REPS2: variants seen among roughly 807,000 people sequenced by gnomAD.
REPS2 encodes RALBP1 associated Eps domain containing 2.
A neutral mutation model predicts 53.6 loss-of-function variants in REPS2; 23 were observed. The observed-to-expected ratio is 0.43, with a 90% CI of 0.31 to 0.61. The LOEUF (loss-of-function observed/expected upper bound fraction) is 0.61. Among genes scored for constraint, REPS2 ranks in the 20% least tolerant of loss-of-function variants. The pLI is 0.11. For synonymous variants in REPS2, 238 were observed against 218.6 expected, an observed-to-expected ratio of 1.09 and a Z score of -0.78; for missense variants, 446 against 534.9, an observed-to-expected ratio of 0.83 and a Z score of 1.64.
the REPS2 span, among the ~76,000 whole-genome samples, chrX:17,165,022 C>T: frequency 9.3e-6 from 1 of 107,426 alleles, no homozygotes; most frequent in Admixed American, 1.0e-4. Context: ...CTTCATTTTC[C>T]TAGACATTCC....
At chrX:17,157,335 A>G (rs2063621794), downstream of REPS2, among the ~76,000 whole-genome samples, 1 of 111,167 alleles carries the variant, frequency 9.0e-6, no homozygotes, top group Admixed American at 9.6e-5. Flanking sequence ...TTATAGATCT[A>G]TTGTTCTGCT....
intron 3 of REPS2, among the ~76,000 whole-genome samples, chrX:17,024,789 A>G (rs1225295328): frequency 9.0e-6 from 1 of 111,569 alleles, no homozygotes; most frequent in Non-Finnish European, 1.9e-5. Flanking sequence ...TTCATTTTCC[A>G]AAGGAAAATA....
intron 17 of REPS2, among the ~76,000 whole-genome samples, chrX:17,146,375 G>T (rs2063515477): frequency 9.1e-6 from 1 of 110,371 alleles, no homozygotes; most frequent in Non-Finnish European, 1.9e-5. Flanking sequence ...TCTTCATATG[G>T]CTCACTCCTC....
chrX:17,024,363 G>GTTTTTTT (rs900082438), intron 3 of REPS2, among the ~76,000 whole-genome samples: 1 of 71,689 alleles, frequency 1.4e-5, no homozygotes, highest in African/African-American at 5.4e-5. Flanking sequence ...TACTAGTAAA[G>GTTTTTTT]TTTTTTTTTT....
chrX:17,001,693 C>T (rs1415404988), intron 1 of REPS2, among the ~76,000 whole-genome samples: 11 of 112,024 alleles, frequency 9.8e-5, no homozygotes, highest in Middle Eastern at 4.2e-3. Context: ...TCCATTTTCA[C>T]GCTGCTGATA....
intron 14 of REPS2, among the ~76,000 whole-genome samples, chrX:17,124,487 G>A (rs2063181669): frequency 9.0e-6 from 1 of 111,591 alleles, no homozygotes; most frequent in African/African-American, 3.3e-5. Flanking sequence ...CTCTGAGCCT[G>A]GTTGGGGAAT....
intron 5 of REPS2, among the ~76,000 whole-genome samples, chrX:17,046,200 G>A (rs1463074858): frequency 9.4e-6 from 1 of 106,329 alleles, no homozygotes; most frequent in African/African-American, 3.4e-5. Flanking sequence ...TGTTGCCCAG[G>A]CTGGAGTGCA....
chrX:17,046,770 C>A (rs946925901), intron 5 of REPS2, among the ~76,000 whole-genome samples: 1 of 111,972 alleles, frequency 8.9e-6, no homozygotes, highest in Admixed American at 9.5e-5. Flanking sequence ...TTCTCACCAC[C>A]CAGCTCTGTT....
At chrX:17,170,409 T>TA in the REPS2 span, among the ~76,000 whole-genome samples, 2 of 112,827 alleles carry the variant, frequency 1.8e-5, no homozygotes, top group African/African-American at 6.4e-5. Flanking sequence ...TATTTACGCC[T>TA]AAACTTGTTT....
intron 7 of REPS2, among the ~76,000 whole-genome samples, chrX:17,052,746 C>A (rs753643296): frequency 4.4e-5 from 5 of 112,462 alleles, no homozygotes; most frequent in African/African-American, 1.6e-4. Flanking sequence ...ATGAGACTTA[C>A]CATCCTGTAG....
At chrX:17,120,461 T>A (rs2063126915) in intron 14 of REPS2, among the ~76,000 whole-genome samples, 2 of 111,824 alleles carry the variant, frequency 1.8e-5, no homozygotes, top group African/African-American at 6.5e-5. Flanking sequence ...TTTCATAGGG[T>A]TATGATGATT....
At chrX:17,047,736 G>C in intron 6 of REPS2, among the ~76,000 whole-genome samples, 1 of 112,984 alleles carries the variant, frequency 8.9e-6, no homozygotes, top group East Asian at 2.8e-4. Flanking sequence ...CTTATCAGCT[G>C]AGGCAGTTCT....
At chrX:17,124,353 C>T (rs753574688) in intron 14 of REPS2, among the ~76,000 whole-genome samples, 1 of 112,324 alleles carries the variant, frequency 8.9e-6, no homozygotes, top group East Asian at 2.8e-4. Flanking sequence ...TCCTGCCCTC[C>T]AGGTGCTTAC....
chrX:17,130,289 C>T (rs750151957), intron 14 of REPS2, among the ~76,000 whole-genome samples: 68 of 111,664 alleles, frequency 6.1e-4, no homozygotes, highest in Non-Finnish European at 9.8e-4. Flanking sequence ...ACTTCAAACT[C>T]AATCTGCCTA....
At chrX:17,008,343 A>G (rs2147803965) in intron 2 of REPS2, among the ~76,000 whole-genome samples, 1 of 112,400 alleles carries the variant, frequency 8.9e-6, no homozygotes, top group African/African-American at 3.2e-5. Flanking sequence ...CACTTTTGTT[A>G]CTTATTTTAA....
At chrX:17,010,899 A>C (rs937551274) in intron 2 of REPS2, among the ~76,000 whole-genome samples, 3 of 111,905 alleles carry the variant, frequency 2.7e-5, no homozygotes, top group Non-Finnish European at 5.6e-5. Context: ...AAAATAAAAA[A>C]ATACAGATGC....
At chrX:17,072,539 C>T (rs2062322150) in intron 11 of REPS2, among the ~76,000 whole-genome samples, 1 of 112,272 alleles carries the variant, frequency 8.9e-6, no homozygotes. Flanking sequence ...TCCCTACCAG[C>T]AAAAAGACAA....
intron 1 of REPS2, among the ~76,000 whole-genome samples, chrX:16,968,078 C>G (rs1223599782): frequency 1.8e-5 from 2 of 111,332 alleles, no homozygotes; most frequent in Non-Finnish European, 3.8e-5. Context: ...ATCTGTTTAA[C>G]AAAGCACATC....
At chrX:17,070,347 A>G (rs1368706226) in intron 11 of REPS2, among the ~76,000 whole-genome samples, 2 of 112,436 alleles carry the variant, frequency 1.8e-5, no homozygotes, top group Non-Finnish European at 1.9e-5. Context: ...CTTATAGGGT[A>G]GATCAATTGG....
Sources: gnomAD v4.1 joint callset for allele counts (sites outside exome capture counted in the v4.1 genomes callset) on GRCh38, gnomAD v4.1.1 for gene constraint, MANE v1.5 for transcripts, NCBI Gene and HGNC (gene_info 2026-07-23, HGNC 2026-07-21) for gene names.